ARGLU1: variants seen among roughly 807,000 people sequenced by gnomAD.
ARGLU1 encodes arginine and glutamate-rich protein 1.
Under a neutral mutation model 37.6 loss-of-function variants are expected in ARGLU1, and 9 were observed. The observed-to-expected ratio is 0.24, with a 90% CI of 0.14 to 0.42. The LOEUF is 0.42. Among genes scored for constraint, ARGLU1 ranks in the 10% least tolerant of loss-of-function variants. The pLI is 1.00. For missense variants in ARGLU1, 211 were observed against 359.2 expected (o/e 0.59, Z 3.34); for synonymous variants, 166 against 138.5 (o/e 1.20, Z -1.39).
At chr13:106,549,441 A>G (rs1419153381) in intron 3 of ARGLU1, among the ~76,000 whole-genome samples, 1 of 152,080 alleles carries the variant, frequency 6.6e-6, no homozygotes, top group East Asian at 1.9e-4. Flanking sequence ...TTAGATAACC[A>G]ATGAATAAAA....
At chr13:106,555,600 AT>A (rs1317998086) in intron 3 of ARGLU1, among the ~76,000 whole-genome samples, 2 of 152,230 alleles carry the variant, frequency 1.3e-5, no homozygotes, top group African/African-American at 4.8e-5. Context: ...ACAAACTGGG[AT>A]TAAAAAACAA....
chr13:106,562,061 C>G (rs1880816186), intron 1 of ARGLU1: 1 of 152,198 alleles, frequency 6.6e-6, no homozygotes, highest in Admixed American at 6.5e-5. Flanking sequence ...CAGTTTCTCA[C>G]AAAGCTGCTT....
intron 3 of ARGLU1, among the ~76,000 whole-genome samples, chr13:106,545,927 C>T (rs1404917742): frequency 6.6e-6 from 1 of 152,214 alleles, no homozygotes; most frequent in Non-Finnish European, 1.5e-5. Flanking sequence ...CTACTGGACA[C>T]ATCCACCTGG....
chr13:106,557,023 C>A lies in ARGLU1; in HGVS notation c.657+25G>T. 4 of 1,588,524 alleles carry A rather than the reference C, an allele frequency of 2.5e-6. No individual in the cohort carries two copies. The highest frequency in any genetic ancestry group is 3.5e-6 in the Non-Finnish European group (4 of 1,158,456). ...AGGAAATAAAGCAAAATACAAAACA[C>A]TTTTCATGTATGCTTTACACTTACC... On this transcript the variant is annotated intron_variant, in intron 3 of 3. Transcript: ENST00000400198. This position sits in a 1 kb window ranked among gnomAD's most constrained non-coding sequence, Gnocchi z 5.0.
In ARGLU1 at chr13:106,567,239, G is replaced by A. The variant is rs189650279; in HGVS notation, c.347+334C>T. Among the ~76,000 whole-genome samples, 2 of 152,060 alleles carry A rather than the reference G, an allele frequency of 1.3e-5. No homozygotes were observed. The highest frequency in any genetic ancestry group is 4.8e-5 in the African/African-American group (2 of 41,480). ...GGCCGGCTCGCTCCCGGCCTCACAA[G>A]CCAACGCAGCTCTCCGACCTCACTC... On this transcript the variant is annotated intron_variant, in intron 1 of 3. Transcript: ENST00000400198. This position sits in a 1 kb window ranked among gnomAD's most constrained non-coding sequence, Gnocchi z 4.3.
Position 106,568,085 on chromosome 13 carries a change from G to T in ARGLU1, c.-166C>A. 9.0e-7 allele frequency: 1 copy of T among 1,112,814 alleles called. No individual in the cohort carries two copies. The highest frequency in any genetic ancestry group is 1.2e-6 in the Non-Finnish European group (1 of 830,252). The allele number at this position is 1,112,814 out of a possible 1,614,324, so 68.9% of individuals were successfully genotyped here. On this transcript the variant is annotated 5_prime_UTR_variant, in exon 1 of 4. Transcript: ENST00000400198. ...CCCGGCGTCTACAGCTGCCACGAAG[G>T]CCGCCTCCAACGAGAAACCCGTAGC...
At chr13:106,563,443 C>T (rs1017173871) in intron 1 of ARGLU1, among the ~76,000 whole-genome samples, 1 of 152,200 alleles carries the variant, frequency 6.6e-6, no homozygotes, top group African/African-American at 2.4e-5. Flanking sequence ...CCACCCTACA[C>T]CGGTTTCTGC....
At chr13:106,563,470 G>A (rs1880872219) in intron 1 of ARGLU1, among the ~76,000 whole-genome samples, 1 of 151,948 alleles carries the variant, frequency 6.6e-6, no homozygotes, top group Non-Finnish European at 1.5e-5. Flanking sequence ...AATAAGCAAG[G>A]CAAAGACAAG....
intron 3 of ARGLU1, among the ~76,000 whole-genome samples, chr13:106,549,241 TAG>T (rs1268736302): frequency 6.6e-6 from 1 of 152,182 alleles, no homozygotes; most frequent in Non-Finnish European, 1.5e-5. Context: ...TAAAAATCCA[TAG>T]AAATATTTCA....
chr13:106,556,679 C>T (rs1337697999), intron 3 of ARGLU1, among the ~76,000 whole-genome samples: 6 of 152,146 alleles, frequency 3.9e-5, no homozygotes, highest in African/African-American at 1.2e-4. Flanking sequence ...AACAAGCCAA[C>T]TAATACAAAG....
intron 2 of ARGLU1, chr13:106,558,897 G>A (rs895812285): frequency 3.7e-5 from 36 of 985,298 alleles, no homozygotes; most frequent in Admixed American, 6.2e-5. Context: ...CCATTGTGCT[G>A]AAGCAGGGTT....
chr13:106,555,270 T>G (rs1266319229), intron 3 of ARGLU1, among the ~76,000 whole-genome samples: 1 of 152,078 alleles, frequency 6.6e-6, no homozygotes, highest in Non-Finnish European at 1.5e-5. Context: ...GGCAGGAGAA[T>G]AGCCTGAACC....
chr13:106,555,631 A>G (rs1657467842), intron 3 of ARGLU1, among the ~76,000 whole-genome samples: 1 of 152,246 alleles, frequency 6.6e-6, no homozygotes, highest in Non-Finnish European at 1.5e-5. Context: ...TTTTACTACC[A>G]TTTGAGAAGT....
chr13:106,556,021 G>C (rs1880653999), intron 3 of ARGLU1, among the ~76,000 whole-genome samples: 1 of 151,934 alleles, frequency 6.6e-6, no homozygotes, highest in African/African-American at 2.4e-5. Context: ...AATTCAGATT[G>C]AACACTTTCC....
At chr13:106,564,706 T>C (rs1289066462) in intron 1 of ARGLU1, among the ~76,000 whole-genome samples, 2 of 152,160 alleles carry the variant, frequency 1.3e-5, no homozygotes, top group Non-Finnish European at 2.9e-5. Context: ...CTCTCAAGGT[T>C]TCACGACATT....
chr13:106,562,182 C>G (rs1036136718), intron 1 of ARGLU1, among the ~76,000 whole-genome samples: 3 of 152,106 alleles, frequency 2.0e-5, no homozygotes, highest in Admixed American at 1.3e-4. Context: ...CAAGTGTTAG[C>G]AAGAATATAA....
chr13:106,560,818 T>A (rs1313019686), intron 1 of ARGLU1, among the ~76,000 whole-genome samples: 1 of 152,224 alleles, frequency 6.6e-6, no homozygotes, highest in African/African-American at 2.4e-5. Flanking sequence ...ATCACTCATT[T>A]GACATCCATA....
At chr13:106,566,632 C>G (rs1404757829) in intron 1 of ARGLU1, among the ~76,000 whole-genome samples, 1 of 152,170 alleles carries the variant, frequency 6.6e-6, no homozygotes, top group Non-Finnish European at 1.5e-5. Flanking sequence ...CCCAAAAATT[C>G]CTTTAGTTTG....
Position 106,567,773 on chromosome 13 carries a change from G to T in ARGLU1, c.147C>A (p.Asn49Lys), listed in dbSNP as rs769623682. The T allele has an allele frequency of 6.2e-7, 1 of 1,613,308 alleles. No homozygotes were observed. The highest frequency in any genetic ancestry group is 1.1e-5 in the South Asian group (1 of 91,062). Residue 49 changes from asparagine (N) to lysine (K), a missense_variant, in exon 1 of 4, where the codon AAC becomes AAA. Asn to Lys is a moderately conservative substitution (Grantham distance 94, BLOSUM62 0). Coordinates refer to ENST00000400198, the MANE Select transcript of ARGLU1 (RefSeq NM_018011.4). The surrounding 1 kb of genome is among the most constrained non-coding windows in gnomAD (Gnocchi z 4.3). ...KRSKSRESKR[N>K]RRRESRSRSR... ...AACGGGACCGCGACTCCCGCCGCCG[G>T]TTCCGTTTACTTTCCCGAGATTTGG...
Sources: allele counts gnomAD v4.1 joint callset (sites outside exome capture counted in the v4.1 genomes callset), GRCh38; gene constraint gnomAD v4.1.1; non-coding constraint Gnocchi (gnomAD v3.1); transcripts MANE v1.5; gene names NCBI Gene and HGNC (gene_info 2026-07-23, HGNC 2026-07-21).